MACROD2: variants seen among roughly 807,000 people sequenced by gnomAD.
The protein encoded by MACROD2 is ADP-ribose glycohydrolase MACROD2.
Under a neutral mutation model 70.4 loss-of-function variants are expected in MACROD2, and 36 were observed. The ratio of observed to expected loss-of-function variants is 0.51; its 90% CI spans 0.39 to 0.68. The LOEUF (loss-of-function observed/expected upper bound fraction) is 0.68. Among genes scored for constraint, MACROD2 ranks in the 30% least tolerant of loss-of-function variants. MACROD2 has a pLI of 0.00. For synonymous variants in MACROD2, 172 were observed against 178.8 expected (o/e 0.96, Z 0.30); for missense variants, 496 against 538.4 (o/e 0.92, Z 0.78).
At chr20:14,047,750 T>A (rs891150110) in intron 2 of MACROD2, among the ~76,000 whole-genome samples, 1 of 152,106 alleles carries the variant, frequency 6.6e-6, no homozygotes, top group Non-Finnish European at 1.5e-5. Flanking sequence ...GTATAATAGA[T>A]GTGGGATATC....
At chr20:14,428,972 C>T (rs2083965040) in intron 3 of MACROD2, among the ~76,000 whole-genome samples, 3 of 152,100 alleles carry the variant, frequency 2.0e-5, no homozygotes, top group Admixed American at 2.0e-4. Context: ...CTAATATTGT[C>T]CTGTTCTTGA....
chr20:16,022,224 G>A (rs1181748210), intron 15 of MACROD2, among the ~76,000 whole-genome samples: 1 of 151,994 alleles, frequency 6.6e-6, no homozygotes, highest in Non-Finnish European at 1.5e-5. Flanking sequence ...CTAAGTTTTT[G>A]TAGTTTTTAG....
chr20:14,739,667 G>A (rs775661391), intron 5 of MACROD2, among the ~76,000 whole-genome samples: 7 of 151,968 alleles, frequency 4.6e-5, no homozygotes, highest in Non-Finnish European at 7.4e-5. Flanking sequence ...TTGTTTGTGG[G>A]ATGTTGTCAT....
intron 5 of MACROD2, among the ~76,000 whole-genome samples, chr20:14,859,882 A>T (rs2073295947): frequency 1.3e-5 from 2 of 152,110 alleles, no homozygotes; most frequent in African/African-American, 4.8e-5. Flanking sequence ...TAGAATGTTA[A>T]ATCAGGACAG....
intron 15 of MACROD2, among the ~76,000 whole-genome samples, chr20:16,027,375 A>G (rs1334553259): frequency 1.3e-5 from 2 of 152,248 alleles, no homozygotes; most frequent in Non-Finnish European, 2.9e-5. Flanking sequence ...TATGCTATTT[A>G]GGAAAATGTG....
At chr20:15,472,311 G>T (rs1364920702) in intron 7 of MACROD2, among the ~76,000 whole-genome samples, 4 of 151,940 alleles carry the variant, frequency 2.6e-5, no homozygotes, top group African/African-American at 9.7e-5. Context: ...CTCTTTCCTA[G>T]CTAATCTTCT....
In MACROD2 at chr20:14,831,329, C is replaced by T. The variant is rs558494168; in HGVS notation, c.418+146370C>T. Reference sequence around the variant, plus strand: ...CATTTGGGAATATTTTCAGTTTTATCGACGTGACTGTTTAGAGGCATAATC... The same window carrying T: ...CATTTGGGAATATTTTCAGTTTTATTGACGTGACTGTTTAGAGGCATAATC... On this transcript the variant is annotated intron_variant, in intron 5 of 17. Transcript: ENST00000684519. Among the ~76,000 whole-genome samples, 7 of 152,132 alleles carry T rather than the reference C, an allele frequency of 4.6e-5. No homozygotes were observed. In the East Asian group the frequency reaches 9.7e-4, roughly 21 times the overall value.
intron 3 of MACROD2, among the ~76,000 whole-genome samples, chr20:14,467,630 G>C (rs1295789317): frequency 6.6e-6 from 1 of 152,028 alleles, no homozygotes; most frequent in Admixed American, 6.5e-5. Context: ...CACCCTGGGA[G>C]CTGTAGACTG....
At chr20:15,077,472 G>C (rs1386256353) in intron 5 of MACROD2, among the ~76,000 whole-genome samples, 1 of 152,190 alleles carries the variant, frequency 6.6e-6, no homozygotes, top group Admixed American at 6.5e-5. Flanking sequence ...AAAGCGTCTT[G>C]AAATTGTAAA....
intron 8 of MACROD2, among the ~76,000 whole-genome samples, chr20:15,682,216 A>C (rs2050169665): frequency 6.6e-6 from 1 of 152,202 alleles, no homozygotes; most frequent in Admixed American, 6.5e-5. Context: ...AGGTACAATA[A>C]AGAGAAACGT....
intron 5 of MACROD2, among the ~76,000 whole-genome samples, chr20:14,721,230 G>A (rs2071465057): frequency 1.3e-5 from 2 of 149,650 alleles, no homozygotes; most frequent in African/African-American, 2.5e-5. Context: ...ACTCCAGCCT[G>A]GGCAACAAAG....
intron 5 of MACROD2, among the ~76,000 whole-genome samples, chr20:15,195,554 T>G (rs1458349446): frequency 6.6e-6 from 1 of 152,156 alleles, no homozygotes; most frequent in Non-Finnish European, 1.5e-5. Flanking sequence ...CCAGTCAGAA[T>G]GGTCATTGTT....
intron 8 of MACROD2, among the ~76,000 whole-genome samples, chr20:15,659,678 T>A (rs749745322): frequency 2.6e-5 from 4 of 152,016 alleles, no homozygotes; most frequent in Non-Finnish European, 5.9e-5. Context: ...TTTGTGTTGC[T>A]ACAAAGAATA....
chr20:14,212,891 A>G (rs2122138451), intron 3 of MACROD2, among the ~76,000 whole-genome samples: 2 of 151,924 alleles, frequency 1.3e-5, no homozygotes, highest in South Asian at 4.2e-4. Context: ...CAGCTGTGTG[A>G]CTGCTGTTGT....
intron 7 of MACROD2, among the ~76,000 whole-genome samples, chr20:15,477,561 C>G (rs1568836066): frequency 6.6e-6 from 1 of 151,824 alleles, no homozygotes; most frequent in African/African-American, 2.4e-5. Flanking sequence ...CTCAGTTGGA[C>G]AGGGAGAAAG....
intron 8 of MACROD2, among the ~76,000 whole-genome samples, chr20:15,715,784 C>T (rs924282092): frequency 6.6e-6 from 1 of 152,088 alleles, no homozygotes; most frequent in African/African-American, 2.4e-5. Context: ...TATTTGCCTG[C>T]CAAGCCCTAA....
At position 15,731,381 on chromosome 20, in the gene MACROD2, T is replaced by A. The variant is rs560878828; in HGVS notation, c.646-131364T>A. On this transcript the variant is annotated intron_variant, in intron 8 of 17. Coordinates refer to ENST00000684519, the MANE Select transcript of MACROD2 (RefSeq NM_001351661.2). ...TTTATTTTATATTCTCTGATGCCCTTGGGGGTTTGATTGTGGTATAAGGTG... is the reference window on the plus strand; with the variant it reads ...TTTATTTTATATTCTCTGATGCCCTAGGGGGTTTGATTGTGGTATAAGGTG... 3.5e-5 allele frequency among the ~76,000 whole-genome samples: 2 copies of A among 57,616 alleles called. 1 individual carries two copies. Among genetic ancestry groups the A allele is most frequent in the South Asian group, 1.1e-3 (2 of 1,790 alleles). 37.8% of individuals were successfully genotyped at this position (57,616 alleles called of 152,430 possible).
intron 5 of MACROD2, among the ~76,000 whole-genome samples, chr20:14,897,095 G>A (rs1434247496): frequency 6.6e-6 from 1 of 152,086 alleles, no homozygotes; most frequent in Admixed American, 6.6e-5. Context: ...TTCTTGATTT[G>A]TTTGGAATAT....
intron 3 of MACROD2, among the ~76,000 whole-genome samples, chr20:14,468,834 T>TC (rs1273825229): frequency 2.6e-5 from 4 of 152,096 alleles, no homozygotes; most frequent in Admixed American, 1.3e-4. Context: ...TACATGTGTG[T>TC]CATTACATGG....
Sources: allele counts gnomAD v4.1 joint callset (sites outside exome capture counted in the v4.1 genomes callset), GRCh38; gene constraint gnomAD v4.1.1; transcripts MANE v1.5; gene names NCBI Gene and HGNC (gene_info 2026-07-23, HGNC 2026-07-21).